Variants in GFM1 observed in about 807,000 individuals in gnomAD.
The protein encoded by GFM1 is G elongation factor mitochondrial 1.
A neutral mutation model predicts 96.2 loss-of-function variants in GFM1; 62 were observed. The observed-to-expected ratio is 0.64, with a 90% CI of 0.53 to 0.80. The LOEUF (loss-of-function observed/expected upper bound fraction) is 0.80. GFM1 is among the 30% of genes least tolerant of loss of function. The probability of loss-of-function intolerance (pLI) is 0.00; values close to 1 mark genes in which losing one functional copy is unlikely to be tolerated. For synonymous variants in GFM1, 282 were observed against 312.9 expected (o/e 0.90, Z 1.04); for missense variants, 852 against 916.6 (o/e 0.93, Z 0.91).
In GFM1 at chr3:158,652,205, A is replaced by G. The variant is rs768991090; in HGVS notation, c.799A>G (p.Met267Val). Reference sequence around the variant, plus strand: ...CAATTCAGATGAACAGCTTGGTGAGATGTTTCTGGAAGAAAAAATCCCCTC... The same window carrying G: ...CAATTCAGATGAACAGCTTGGTGAGGTGTTTCTGGAAGAAAAAATCCCCTC... ...VANSDEQLGE[M>V]FLEEKIPSIS... The change falls in exon 6 of 18, where the codon ATG becomes GTG. Residue 267 changes from methionine (M) to valine (V), a missense_variant. Coordinates refer to ENST00000486715, the MANE Select transcript of GFM1 (RefSeq NM_024996.7). 6.2e-7 allele frequency: 1 copy of G among 1,614,126 alleles called. No homozygotes were observed. Among genetic ancestry groups the G allele is most frequent in the Admixed American group, 1.7e-5 (1 of 60,032 alleles).
chr3:158,653,255 G>A (rs1722440278), intron 6 of GFM1, 55 bp from the exon 7 acceptor site: 1 of 1,424,556 alleles, frequency 7.0e-7, no homozygotes, highest in Non-Finnish European at 9.8e-7. Context: ...TAGTTGACTT[G>A]AAGCACAACA....
rs1726375241 is a variant in GFM1 at position 158,692,189 on chromosome 3, T to A, written c.*722T>A. 1 of 152,430 alleles carries A rather than the reference T, an allele frequency of 6.6e-6. No individual in the cohort carries two copies. The highest frequency in any genetic ancestry group is 1.5e-5 in the Non-Finnish European group (1 of 68,198). The allele number at this position is 152,430 out of a possible 1,614,324, so 9.4% of individuals were successfully genotyped here. A position where few individuals can be genotyped will look rare whatever the true frequency, so the allele number is the denominator to read the frequency against. On this transcript the variant is annotated 3_prime_UTR_variant, in exon 18 of 18. Transcript: ENST00000486715. ...TTTCAGTTTGTGGTTTCTGCAAATT[T>A]GTAACTGCCTCTGTTTTAGGAGTAT...
At chr3:158,668,907 T>G (rs1282660259) in intron 13 of GFM1, 2 of 1,192,794 alleles carry the variant, frequency 1.7e-6, no homozygotes, top group East Asian at 5.0e-5. Flanking sequence ...ACAAAATGAC[T>G]ATAGGAATAC....
At chr3:158,649,483 C>A in intron 5 of GFM1, 1 of 247,560 alleles carries the variant, frequency 4.0e-6, no homozygotes. Flanking sequence ...TTCATTTATT[C>A]ATTCATTCTG....
intron 13 of GFM1, chr3:158,670,860 G>C: frequency 7.7e-7 from 1 of 1,306,554 alleles, no homozygotes; most frequent in Non-Finnish European, 9.8e-7. Context: ...CCTGAGCCCG[G>C]GAAGTTGAGG....
rs537232058 is a variant in GFM1 at position 158,667,642 on chromosome 3, G to A, written c.1601+1256G>A. 3.3e-5 allele frequency among the ~76,000 whole-genome samples: 5 copies of A among 152,206 alleles called. 1 individual carries two copies. In the South Asian group the frequency reaches 1.0e-3, roughly 32 times the overall value. ...CTCTATGAGAATAAACAAAAAATTAGCCAGGCATGCCTGTGTGTGCCTGTA... is the reference window on the plus strand; with the variant it reads ...CTCTATGAGAATAAACAAAAAATTAACCAGGCATGCCTGTGTGTGCCTGTA... On this transcript the variant is annotated intron_variant, in intron 13 of 17. Coordinates refer to ENST00000486715, the MANE Select transcript of GFM1 (RefSeq NM_024996.7).
chr3:158,682,181 T>A, intron 14 of GFM1, 24 bp downstream of exon 14: 1 of 1,592,816 alleles, frequency 6.3e-7, no homozygotes, highest in Non-Finnish European at 8.6e-7. Flanking sequence ...AAAGTGTTTT[T>A]GCATTTTTAC....
chr3:158,682,714 T>G (rs767849375), intron 14 of GFM1, among the ~76,000 whole-genome samples: 9 of 152,166 alleles, frequency 5.9e-5, no homozygotes, highest in Non-Finnish European at 1.2e-4. Flanking sequence ...TTTGTTTGCT[T>G]TCCAGTCATT....
At chr3:158,657,400 T>G (rs1477777625) in intron 8 of GFM1, 2 of 152,192 alleles carry the variant, frequency 1.3e-5, no homozygotes, top group Non-Finnish European at 2.9e-5. Flanking sequence ...ATTAATGTAT[T>G]GGATTATTTC....
intron 4 of GFM1, among the ~76,000 whole-genome samples, chr3:158,648,509 T>G (rs1272401211): frequency 6.6e-6 from 1 of 151,992 alleles, no homozygotes; most frequent in Non-Finnish European, 1.5e-5. Context: ...AAACCCCATC[T>G]CTACTAAAAA....
chr3:158,682,534 C>T (rs567836245), intron 14 of GFM1: 17 of 242,098 alleles, frequency 7.0e-5, no homozygotes, highest in African/African-American at 3.7e-4. Context: ...GCTACTGTCT[C>T]ATGTCTACTA....
intron 15 of GFM1, among the ~76,000 whole-genome samples, chr3:158,689,781 T>G (rs1487605391): frequency 4.6e-5 from 7 of 151,694 alleles, no homozygotes; most frequent in Non-Finnish European, 1.0e-4. Flanking sequence ...TGGGTTTACC[T>G]TGGTCAAATT....
intron 5 of GFM1, among the ~76,000 whole-genome samples, chr3:158,651,466 A>C (rs1404639844): frequency 6.6e-6 from 1 of 151,806 alleles, no homozygotes; most frequent in Non-Finnish European, 1.5e-5. Flanking sequence ...CCTGATCTGA[A>C]AATGCAGATA....
At chr3:158,655,100 G>A (rs1035751258) in intron 8 of GFM1, among the ~76,000 whole-genome samples, 1 of 152,078 alleles carries the variant, frequency 6.6e-6, no homozygotes, top group African/African-American at 2.4e-5. Flanking sequence ...CTAATGAAGG[G>A]TAGCGAATTA....
intron 13 of GFM1, among the ~76,000 whole-genome samples, chr3:158,671,705 T>G (rs1330598406): frequency 6.6e-6 from 1 of 152,198 alleles, no homozygotes; most frequent in African/African-American, 2.4e-5. Context: ...TCCAGTAGAT[T>G]TTCGTAAAAT....
Position 158,684,593 on chromosome 3 carries a change from C to T in GFM1, c.1834C>T (p.Gln612Ter), listed in dbSNP as rs2108102670. The T allele has an allele frequency of 6.2e-7, 1 of 1,614,070 alleles. No individual in the cohort carries two copies. Among genetic ancestry groups the T allele is most frequent in the Non-Finnish European group, 8.5e-7 (1 of 1,179,984 alleles). ...GCTCTCTGGGCTCCGGTTTGTCCTG[C>T]AAGATGGAGCACACCACATGGTTGA... is the stretch of plus-strand genomic sequence containing the variant. ...HKLSGLRFVLQDGAHHMVDSN... is the reference protein window; with the variant it reads ...HKLSGLRFVL Residue 612 changes from glutamine (Q) to a stop codon, truncating the protein, a stop_gained, in exon 15 of 18, where the codon CAA becomes TAA. Coordinates refer to ENST00000486715, the MANE Select transcript of GFM1 (RefSeq NM_024996.7). LOFTEE classifies it high-confidence loss of function.
chr3:158,673,366 G>T lies in GFM1; in HGVS notation c.1601+6980G>T, dbSNP rs180909205. 1.2e-4 allele frequency among the ~76,000 whole-genome samples: 19 copies of T among 152,186 alleles called. 1 individual carries two copies. On this transcript the variant is annotated intron_variant, in intron 13 of 17. Coordinates refer to ENST00000486715, the MANE Select transcript of GFM1 (RefSeq NM_024996.7). ...GGTATGTGGTCTACCTCATTGCAAT[G>T]GGCCTATAAACCTGACTTTGTAGAA...
chr3:158,685,853 T>A (rs1725793413), intron 15 of GFM1, among the ~76,000 whole-genome samples: 5 of 152,200 alleles, frequency 3.3e-5, no homozygotes, highest in Admixed American at 3.3e-4. Context: ...TGTTTACCAC[T>A]TTAGTATGTC....
At chr3:158,651,987 G>T in intron 5 of GFM1, 109 bp from the exon 6 acceptor site, 1 of 886,204 alleles carries the variant, frequency 1.1e-6, no homozygotes, top group Non-Finnish European at 1.8e-6. Flanking sequence ...ATGTATCAGA[G>T]CTCTTTGTTA....
Sources: gnomAD v4.1 joint callset for allele counts (sites outside exome capture counted in the v4.1 genomes callset) on GRCh38, gnomAD v4.1.1 for gene constraint, MANE v1.5 for transcripts, NCBI Gene and HGNC (gene_info 2026-07-23, HGNC 2026-07-21) for gene names.